The following FOXP1 variants were observed in gnomAD, a reference collection of about 807,000 sequenced individuals.
FOXP1 encodes forkhead box protein P1.
Under a neutral mutation model 98.2 loss-of-function variants are expected in FOXP1, and 15 were observed. The ratio of observed to expected loss-of-function variants is 0.15; its 90% CI spans 0.10 to 0.24. FOXP1 has a LOEUF of 0.24. Ranked by LOEUF, FOXP1 falls within the 10% of genes least tolerant of loss-of-function variation. FOXP1 has a pLI of 1.00. For synonymous variants in FOXP1, 371 were observed against 314.5 expected (o/e 1.18, Z -1.90); for missense variants, 633 against 848.5 (o/e 0.75, Z 3.15).
chr3:71,530,759 G>A (rs914934324), intron 2 of FOXP1, among the ~76,000 whole-genome samples: 4 of 152,152 alleles, frequency 2.6e-5, no homozygotes, highest in South Asian at 2.1e-4. Context: ...ACCAGAAAAC[G>A]AAGAGTGGGC....
chr3:71,566,148 C>T (rs1363838751), intron 2 of FOXP1, among the ~76,000 whole-genome samples: 1 of 152,206 alleles, frequency 6.6e-6, no homozygotes, highest in East Asian at 1.9e-4. Flanking sequence ...GCACTCAGCA[C>T]AGATGTGGCT....
intron 3 of FOXP1, among the ~76,000 whole-genome samples, chr3:71,431,172 C>A (rs1302466621): frequency 1.3e-5 from 2 of 152,018 alleles, no homozygotes; most frequent in East Asian, 1.9e-4. Context: ...ACAGCACAGA[C>A]AAAAGGAATC....
At chr3:71,458,992 A>G (rs2087765105) in intron 3 of FOXP1, among the ~76,000 whole-genome samples, 1 of 152,234 alleles carries the variant, frequency 6.6e-6, no homozygotes, top group African/African-American at 2.4e-5. Flanking sequence ...ATAGCTGAAT[A>G]ATAAAAATGA....
chr3:71,239,577 A>G (rs1438639863), intron 5 of FOXP1, among the ~76,000 whole-genome samples: 1 of 152,052 alleles, frequency 6.6e-6, no homozygotes, highest in African/African-American at 2.4e-5. Flanking sequence ...CAAAAAGAAA[A>G]CCAAAAAGCT....
chr3:71,545,157 G>C (rs373056580), intron 2 of FOXP1, among the ~76,000 whole-genome samples: 9 of 151,978 alleles, frequency 5.9e-5, no homozygotes, highest in African/African-American at 1.9e-4. Context: ...TATGCTCCCT[G>C]AAAAAAATCA....
chr3:71,401,661 A>G (rs576906381), intron 3 of FOXP1, among the ~76,000 whole-genome samples: 8 of 152,312 alleles, frequency 5.3e-5, no homozygotes, highest in African/African-American at 1.9e-4. Flanking sequence ...TGTATGCAAG[A>G]CAACCTTTGC....
chr3:71,180,498 A>G (rs1043436484), intron 6 of FOXP1, among the ~76,000 whole-genome samples: 3 of 152,200 alleles, frequency 2.0e-5, no homozygotes, highest in African/African-American at 7.2e-5. Context: ...TAGACATGCC[A>G]ATAAAAAAGC....
chr3:71,405,730 A>ATTTTTTTTT (rs200584550), intron 3 of FOXP1, among the ~76,000 whole-genome samples: 1 of 150,772 alleles, frequency 6.6e-6, no homozygotes. Context: ...TTATTTATTT[A>ATTTTTTTTT]TTTATTTATT....
chr3:71,539,534 G>T (rs2044622475), intron 2 of FOXP1, among the ~76,000 whole-genome samples: 1 of 150,960 alleles, frequency 6.6e-6, no homozygotes, highest in South Asian at 2.1e-4. Flanking sequence ...TGGGATTTTG[G>T]TAGGGACTGC....
rs369074999 is a variant in FOXP1, at chr3:70,958,631, GAAA to G, written c.*613_*615del. On this transcript the variant is annotated 3_prime_UTR_variant, in exon 21 of 21. Coordinates refer to ENST00000649528, the MANE Select transcript of FOXP1 (RefSeq NM_001349338.3). ...AGAACTTAAAATGGTATAGTAGAAG[GAAA>G]AAAAAAAAAAAAAAAAGCAATACAT... is the stretch of plus-strand genomic sequence containing the variant. 558 of 97,524 alleles carry G rather than the reference GAAA, an allele frequency of 5.7e-3. No homozygotes were observed. The highest frequency in any genetic ancestry group is 0.014 in the East Asian group (130 of 9,448). 6.0% of individuals were successfully genotyped at this position (97,524 alleles called of 1,614,324 possible). A position where few individuals can be genotyped will look rare whatever the true frequency, so the allele number is the denominator to read the frequency against.
chr3:71,229,267 G>T (rs565052253), intron 5 of FOXP1, among the ~76,000 whole-genome samples: 1 of 152,204 alleles, frequency 6.6e-6, no homozygotes, highest in East Asian at 1.9e-4. Context: ...TTAATTACTA[G>T]TAAGTGTACT....
intron 11 of FOXP1, among the ~76,000 whole-genome samples, chr3:71,026,359 A>C (rs918607634): frequency 1.3e-5 from 2 of 152,342 alleles, no homozygotes; most frequent in African/African-American, 2.4e-5. Flanking sequence ...AAAAGCTCAT[A>C]AAGTAGTCCT....
intron 6 of FOXP1, among the ~76,000 whole-genome samples, chr3:71,140,035 T>A (rs1194452544): frequency 1.3e-5 from 2 of 152,222 alleles, no homozygotes; most frequent in African/African-American, 4.8e-5. Flanking sequence ...AGTCCTCACT[T>A]AATATATGAT....
At chr3:71,489,394 C>T (rs1456484529) in intron 3 of FOXP1, among the ~76,000 whole-genome samples, 1 of 152,232 alleles carries the variant, frequency 6.6e-6, no homozygotes, top group Non-Finnish European at 1.5e-5. Context: ...CAGCAAGGGA[C>T]AACCTAGTGG....
At chr3:71,157,072 G>A (rs2060860845) in intron 6 of FOXP1, among the ~76,000 whole-genome samples, 1 of 152,236 alleles carries the variant, frequency 6.6e-6, no homozygotes. Flanking sequence ...CACTTCCAAT[G>A]CAGAGAAGCA....
At chr3:71,100,621 C>G (rs1391757260) in intron 7 of FOXP1, among the ~76,000 whole-genome samples, 1 of 152,180 alleles carries the variant, frequency 6.6e-6, no homozygotes, top group Non-Finnish European at 1.5e-5. Context: ...AGATAATCTC[C>G]TGAAATTAAA....
At chr3:71,579,610 T>G (rs2047990536) in intron 2 of FOXP1, among the ~76,000 whole-genome samples, 1 of 143,376 alleles carries the variant, frequency 7.0e-6, no homozygotes, top group Non-Finnish European at 1.5e-5. Context: ...CAGAGATTTT[T>G]TTTTTCTTTT....
chr3:71,056,027 A>G (rs573883817), intron 7 of FOXP1, among the ~76,000 whole-genome samples: 1 of 152,142 alleles, frequency 6.6e-6, no homozygotes, highest in African/African-American at 2.4e-5. Context: ...TAGAAACCTT[A>G]TACTAGAAAG....
intron 5 of FOXP1, among the ~76,000 whole-genome samples, chr3:71,238,780 A>G (rs929468303): frequency 4.6e-5 from 7 of 152,214 alleles, no homozygotes; most frequent in African/African-American, 1.7e-4. Context: ...GCTCCTGTCC[A>G]CCTGCAAGCA....
Sources: allele counts gnomAD v4.1 joint callset (sites outside exome capture counted in the v4.1 genomes callset), GRCh38; gene constraint gnomAD v4.1.1; transcripts MANE v1.5; gene names NCBI Gene and HGNC (gene_info 2026-07-23, HGNC 2026-07-21).